The following ATP2B4 variants were observed in gnomAD, a reference collection of about 807,000 sequenced individuals.
ATP2B4 encodes the protein ATPase plasma membrane Ca2+ transporting 4.
In ATP2B4, 39 loss-of-function variants were observed where a neutral mutation model predicts 110.3. That is an observed-to-expected ratio of 0.35 (90% confidence interval 0.27 to 0.46). ATP2B4 has a LOEUF of 0.46. ATP2B4 is among the 20% of genes least tolerant of loss of function. The pLI, the probability that ATP2B4 is intolerant of heterozygous loss-of-function variation, is 1.00. For synonymous variants in ATP2B4, 538 were observed against 571.7 expected (o/e 0.94, Z 0.84); for missense variants, 1,135 against 1,530.9 (o/e 0.74, Z 4.32).
chr1:203,727,798 A>G (rs965189277), intron 20 of ATP2B4: 10 of 537,470 alleles, frequency 1.9e-5, no homozygotes, highest in Middle Eastern at 1.0e-3. Flanking sequence ...CACTATTAGC[A>G]TAGTCCTTTA....
intron 20 of ATP2B4, among the ~76,000 whole-genome samples, chr1:203,738,340 A>T (rs1161617488): frequency 6.6e-6 from 1 of 152,100 alleles, no homozygotes. Flanking sequence ...AGAGACCTGC[A>T]GTTCAGAAAA....
Position 203,736,337 on chromosome 1 carries a change from G to A in ATP2B4, c.3310-3209G>A, listed in dbSNP as rs182044943. On this transcript the variant is annotated intron_variant, in intron 20 of 20. Transcript: ENST00000357681. Reference sequence around the variant, plus strand: ...AAAAAAAATAGCTGAGTGCGGTGGCGCACGTCTGTAATCCCAGCTACTCTA... The same window carrying A: ...AAAAAAAATAGCTGAGTGCGGTGGCACACGTCTGTAATCCCAGCTACTCTA... 1.4e-3 allele frequency among the ~76,000 whole-genome samples: 217 copies of A among 152,092 alleles called. 4 individuals are homozygous for A. The highest frequency in any genetic ancestry group is 4.9e-3 in the African/African-American group (202 of 41,480).
At chr1:203,649,414 C>T (rs759874030) in intron 1 of ATP2B4, among the ~76,000 whole-genome samples, 1 of 152,150 alleles carries the variant, frequency 6.6e-6, no homozygotes, top group Non-Finnish European at 1.5e-5. Flanking sequence ...TTTGTATCCA[C>T]AAATGATAGT....
At chr1:203,717,360 T>G (rs77599180) in intron 15 of ATP2B4, among the ~76,000 whole-genome samples, 2,421 of 152,230 alleles carry the variant, frequency 0.016, 72 homozygotes, top group African/African-American at 0.056. Flanking sequence ...GTGGATTTTT[T>G]TTTAAGTATC....
intron 2 of ATP2B4, among the ~76,000 whole-genome samples, chr1:203,687,649 T>C (rs1170417915): frequency 1.3e-5 from 2 of 152,232 alleles, no homozygotes; most frequent in African/African-American, 4.8e-5. Flanking sequence ...TAGTATAGAT[T>C]GACAGAATTT....
chr1:203,635,724 G>C (rs1365431730), intron 1 of ATP2B4, among the ~76,000 whole-genome samples: 1 of 152,116 alleles, frequency 6.6e-6, no homozygotes, highest in Non-Finnish European at 1.5e-5. Flanking sequence ...TTTCAGGTTT[G>C]AAATTTTTCC....
chr1:203,708,955 AAGACC>A (rs1308605263), intron 10 of ATP2B4, among the ~76,000 whole-genome samples: 1 of 152,104 alleles, frequency 6.6e-6, no homozygotes, highest in Admixed American at 6.5e-5. Context: ...TCAGGAGTTC[AAGACC>A]AGCCTGGCCA....
chr1:203,669,133 G>T (rs1170872645), intron 1 of ATP2B4, among the ~76,000 whole-genome samples: 1 of 152,184 alleles, frequency 6.6e-6, no homozygotes, highest in Non-Finnish European at 1.5e-5. Context: ...GGTTGAAGTG[G>T]TGTTTAAAGT....
At chr1:203,709,150 C>G (rs1304790841) in intron 10 of ATP2B4, 151 bp from the exon 11 acceptor site, 2 of 1,070,624 alleles carry the variant, frequency 1.9e-6, no homozygotes, top group Non-Finnish European at 2.6e-6. Context: ...GAGCGAGACT[C>G]CATCTCCAAA....
At chr1:203,654,612 G>A (rs1222188537) in intron 1 of ATP2B4, among the ~76,000 whole-genome samples, 2 of 152,188 alleles carry the variant, frequency 1.3e-5, no homozygotes, top group Non-Finnish European at 2.9e-5. Flanking sequence ...TTCAAGGGCT[G>A]GGAATGGTGG....
At chr1:203,719,256 T>G (rs1328436819) in intron 15 of ATP2B4, among the ~76,000 whole-genome samples, 3 of 134,192 alleles carry the variant, frequency 2.2e-5, no homozygotes, top group Non-Finnish European at 3.1e-5. Flanking sequence ...GCAAGAGAGA[T>G]AAAATACATG....
intron 1 of ATP2B4, among the ~76,000 whole-genome samples, chr1:203,659,029 A>G (rs1262932260): frequency 6.6e-6 from 1 of 152,098 alleles, no homozygotes; most frequent in Non-Finnish European, 1.5e-5. Flanking sequence ...GAAGGTGAAT[A>G]TAGTAATTGG....
At chr1:203,638,446 C>G (rs1423087825) in intron 1 of ATP2B4, among the ~76,000 whole-genome samples, 1 of 152,176 alleles carries the variant, frequency 6.6e-6, no homozygotes, top group African/African-American at 2.4e-5. Context: ...AGGACAGGCA[C>G]AGCAAGCAGC....
chr1:203,650,412 G>A (rs914640762), intron 1 of ATP2B4, among the ~76,000 whole-genome samples: 6 of 152,220 alleles, frequency 3.9e-5, no homozygotes, highest in Non-Finnish European at 7.4e-5. Flanking sequence ...AGAGGTGCTT[G>A]GCTGGCTGGG....
intron 20 of ATP2B4, among the ~76,000 whole-genome samples, chr1:203,738,527 T>C (rs988937284): frequency 4.6e-5 from 7 of 152,138 alleles, no homozygotes; most frequent in Admixed American, 4.6e-4. Flanking sequence ...AAACCGCACG[T>C]GGTTTCCTTT....
At chr1:203,692,756 A>G (rs746312752) in intron 2 of ATP2B4, among the ~76,000 whole-genome samples, 9 of 152,168 alleles carry the variant, frequency 5.9e-5, no homozygotes, top group South Asian at 2.1e-4. Flanking sequence ...GAGCTAAGCC[A>G]CTGAGGGTTG....
intron 1 of ATP2B4, chr1:203,657,230 C>A: frequency 1.4e-6 from 1 of 725,010 alleles, no homozygotes; most frequent in South Asian, 1.6e-5. Context: ...TGCATATTGG[C>A]CTGATCAGTC....
chr1:203,683,666 C>CTTTTT (rs11326748), intron 2 of ATP2B4, among the ~76,000 whole-genome samples: 81 of 77,690 alleles, frequency 1.0e-3, no homozygotes, highest in South Asian at 1.2e-3. Flanking sequence ...TCTTTTGTTT[C>CTTTTT]TTTTTTTTTT....
At chr1:203,661,494 T>G (rs181587343) in intron 1 of ATP2B4, among the ~76,000 whole-genome samples, 114 of 152,346 alleles carry the variant, frequency 7.5e-4, no homozygotes, top group African/African-American at 2.5e-3. Flanking sequence ...AAGCCTTAGC[T>G]GTACCTGCTG....
Sources: allele counts gnomAD v4.1 joint callset (sites outside exome capture counted in the v4.1 genomes callset), GRCh38; gene constraint gnomAD v4.1.1; transcripts MANE v1.5; gene names NCBI Gene and HGNC (gene_info 2026-07-23, HGNC 2026-07-21).